The following ATP2B2 variants were observed in gnomAD, a reference collection of about 807,000 sequenced individuals.
ATP2B2 encodes the protein ATPase plasma membrane Ca2+ transporting 2.
A neutral mutation model predicts 120.0 loss-of-function variants in ATP2B2; 15 were observed. The observed-to-expected ratio is 0.12, with a 90% confidence interval of 0.08 to 0.19. ATP2B2 has a LOEUF of 0.19. Among genes scored for constraint, ATP2B2 ranks in the 10% least tolerant of loss-of-function variants. ATP2B2 has a pLI of 1.00. For missense variants in ATP2B2, 1,045 were observed against 1,719.8 expected (o/e 0.61, Z 6.94); for synonymous variants, 694 against 700.3 (o/e 0.99, Z 0.14).
intron 2 of ATP2B2, among the ~76,000 whole-genome samples, chr3:10,438,779 G>A (rs1481781307): frequency 1.3e-5 from 2 of 152,184 alleles, no homozygotes; most frequent in Non-Finnish European, 2.9e-5. Flanking sequence ...TGGGACCCAG[G>A]CTGGGTGGAT....
chr3:10,595,675 T>C (rs1318755981), intron 2 of ATP2B2, among the ~76,000 whole-genome samples: 1 of 152,212 alleles, frequency 6.6e-6, no homozygotes, highest in Non-Finnish European at 1.5e-5. Context: ...GCATATTACA[T>C]TTATCTTAAT....
chr3:10,432,706 T>C (rs534630246), intron 2 of ATP2B2, among the ~76,000 whole-genome samples: 1 of 152,316 alleles, frequency 6.6e-6, no homozygotes, highest in East Asian at 1.9e-4. Context: ...ATGTCTTCAC[T>C]AGCTTAGATC....
chr3:10,386,278 G>A (rs568993066), intron 7 of ATP2B2, among the ~76,000 whole-genome samples: 1 of 152,270 alleles, frequency 6.6e-6, no homozygotes, highest in African/African-American at 2.4e-5. Context: ...GCACTGTAAG[G>A]GCAAGAGGGT....
At chr3:10,607,396 C>A (rs965565295) in intron 2 of ATP2B2, among the ~76,000 whole-genome samples, 5 of 152,172 alleles carry the variant, frequency 3.3e-5, no homozygotes, top group Admixed American at 6.5e-5. Flanking sequence ...CTGACATTTC[C>A]ATTTCTCCTA....
At chr3:10,455,292 G>A (rs939183241) in intron 1 of ATP2B2, among the ~76,000 whole-genome samples, 3 of 152,240 alleles carry the variant, frequency 2.0e-5, no homozygotes, top group Non-Finnish European at 4.4e-5. Flanking sequence ...TTTGTAATGA[G>A]GCATCAGAGT....
At chr3:10,400,376 C>T (rs1380269140) in intron 5 of ATP2B2, among the ~76,000 whole-genome samples, 3 of 152,232 alleles carry the variant, frequency 2.0e-5, no homozygotes, top group Admixed American at 1.3e-4. Flanking sequence ...GTTTCCTCTG[C>T]CTGGTGTGTT....
chr3:10,672,657 A>G (rs940877267), intron 1 of ATP2B2, among the ~76,000 whole-genome samples: 1 of 152,274 alleles, frequency 6.6e-6, no homozygotes, highest in African/African-American at 2.4e-5. Flanking sequence ...GCCACCGAGC[A>G]GTAATCCAAC....
chr3:10,359,191 A>C (rs1043966518), intron 13 of ATP2B2, among the ~76,000 whole-genome samples: 3 of 152,232 alleles, frequency 2.0e-5, no homozygotes, highest in African/African-American at 7.2e-5. Flanking sequence ...TGGTTTACAA[A>C]GCACATAAAA....
chr3:10,570,496 GGCCGGGCTGGA>G (rs1431694500), intron 2 of ATP2B2: 4 of 152,238 alleles, frequency 2.6e-5, no homozygotes, highest in African/African-American at 9.6e-5. Context: ...CTCCCCAGTA[GGCCGGGCTGGA>G]GCCATCATGG....
At chr3:10,698,539 A>G (rs1168506242) in intron 1 of ATP2B2, among the ~76,000 whole-genome samples, 1 of 152,196 alleles carries the variant, frequency 6.6e-6, no homozygotes, top group Non-Finnish European at 1.5e-5. Context: ...CACTTTGACA[A>G]TGACCTGCAG....
At chr3:10,521,129 G>A (rs910641251) in intron 3 of ATP2B2, among the ~76,000 whole-genome samples, 2 of 152,208 alleles carry the variant, frequency 1.3e-5, no homozygotes, top group Non-Finnish European at 2.9e-5. Context: ...TCAGACTTCC[G>A]GGGCACACAT....
intron 2 of ATP2B2, among the ~76,000 whole-genome samples, chr3:10,539,049 T>C (rs1292588339): frequency 2.6e-5 from 4 of 152,184 alleles, no homozygotes. Context: ...AAAATCAATG[T>C]GCAAAAATCA....
chr3:10,471,248 C>T (rs2064980607), intron 1 of ATP2B2, among the ~76,000 whole-genome samples: 1 of 152,202 alleles, frequency 6.6e-6, no homozygotes, highest in South Asian at 2.1e-4. Flanking sequence ...AGGAGACCCC[C>T]TCCCTGCCAT....
intron 2 of ATP2B2, among the ~76,000 whole-genome samples, chr3:10,438,097 CT>C (rs1385748908): frequency 1.6e-4 from 24 of 152,294 alleles, no homozygotes; most frequent in East Asian, 1.9e-4. Flanking sequence ...TCTCTGCCCC[CT>C]GGCCCATACC....
chr3:10,576,216 G>A (rs2068243283), intron 2 of ATP2B2, among the ~76,000 whole-genome samples: 1 of 152,190 alleles, frequency 6.6e-6, no homozygotes. Flanking sequence ...ACCAGAAAAA[G>A]GGCAGGGCCG....
chr3:10,616,770 C>T (rs992137566), intron 2 of ATP2B2, among the ~76,000 whole-genome samples: 8 of 151,982 alleles, frequency 5.3e-5, no homozygotes, highest in Non-Finnish European at 1.2e-4. Flanking sequence ...AGTGAACATT[C>T]CACTAGGGGA....
intron 12 of ATP2B2, among the ~76,000 whole-genome samples, chr3:10,368,738 T>C (rs930540704): frequency 1.3e-5 from 2 of 151,688 alleles, no homozygotes; most frequent in Admixed American, 1.3e-4. Context: ...CACCCACTCA[T>C]CCATACACCC....
chr3:10,562,826 C>T (rs2125532459), intron 2 of ATP2B2, among the ~76,000 whole-genome samples: 1 of 152,308 alleles, frequency 6.6e-6, no homozygotes, highest in East Asian at 1.9e-4. Flanking sequence ...ATGGAATACC[C>T]ATCCTTATAA....
intron 2 of ATP2B2, among the ~76,000 whole-genome samples, chr3:10,539,631 TAATA>T (rs1343165213): frequency 6.6e-6 from 1 of 152,200 alleles, no homozygotes; most frequent in Non-Finnish European, 1.5e-5. Context: ...ATCCCCTATT[TAATA>T]AATAGTGCTG....
Sources: gnomAD v4.1 joint callset for allele counts (sites outside exome capture counted in the v4.1 genomes callset) on GRCh38, gnomAD v4.1.1 for gene constraint, MANE v1.5 for transcripts, NCBI Gene and HGNC (gene_info 2026-07-23, HGNC 2026-07-21) for gene names.